Variants in BBX observed in about 807,000 individuals in gnomAD.
BBX encodes the protein BBX high mobility group box domain containing.
A neutral mutation model predicts 100.2 loss-of-function variants in BBX; 30 were observed. The observed-to-expected ratio is 0.30, with a 90% confidence interval of 0.22 to 0.41. The LOEUF (loss-of-function observed/expected upper bound fraction) is 0.41, where lower values mean the gene tolerates loss of function less well. BBX is among the 10% of genes least tolerant of loss of function. BBX has a pLI of 1.00. For synonymous variants in BBX, 376 were observed against 388.1 expected (o/e 0.97, Z 0.37); for missense variants, 1,023 against 1,129.8 (o/e 0.91, Z 1.35).
intron 3 of BBX, among the ~76,000 whole-genome samples, chr3:107,651,033 G>A (rs2057808555): frequency 6.6e-6 from 1 of 152,062 alleles, no homozygotes; most frequent in African/African-American, 2.4e-5. Context: ...AAGTACATCA[G>A]TTCTTTGGGA....
At chr3:107,542,412 G>A (rs560663360) in intron 2 of BBX, among the ~76,000 whole-genome samples, 72 of 152,172 alleles carry the variant, frequency 4.7e-4, no homozygotes, top group Non-Finnish European at 8.1e-4. Flanking sequence ...CTACAGAAGA[G>A]GTTTGTTGAA....
In BBX at chr3:107,671,736, G is replaced by A. The variant is rs1033910951; in HGVS notation, c.-10+25827G>A. Among the ~76,000 whole-genome samples the A allele has an allele frequency of 2.0e-5, 3 of 152,164 alleles. No individual in the cohort carries two copies. The South Asian group carries it at 6.2e-4, about 32-fold the overall frequency. On this transcript the variant is annotated intron_variant, in intron 3 of 17. Transcript: ENST00000325805. ...ATCCGTATAGCACTGCAAACTCATT[G>A]CCTCCTTGAGAGACCATTGCTGTAA... is the stretch of plus-strand genomic sequence containing the variant.
chr3:107,708,640 C>T (rs1429953439), intron 3 of BBX, among the ~76,000 whole-genome samples: 2 of 146,198 alleles, frequency 1.4e-5, no homozygotes, highest in African/African-American at 5.1e-5. Flanking sequence ...CACCACTGCA[C>T]TCCAACCTAG....
intron 3 of BBX, among the ~76,000 whole-genome samples, chr3:107,670,819 C>G (rs1302911157): frequency 6.6e-6 from 1 of 151,822 alleles, no homozygotes; most frequent in African/African-American, 2.4e-5. Flanking sequence ...GTACTGACAC[C>G]CAATTAATTG....
intron 2 of BBX, among the ~76,000 whole-genome samples, chr3:107,560,310 T>C (rs2050393489): frequency 6.6e-6 from 1 of 151,938 alleles, no homozygotes; most frequent in Admixed American, 6.6e-5. Flanking sequence ...CTTGTTTTTT[T>C]CCAAAAAAAA....
chr3:107,584,423 T>C (rs1379332944), intron 2 of BBX, among the ~76,000 whole-genome samples: 3 of 149,450 alleles, frequency 2.0e-5, no homozygotes, highest in Non-Finnish European at 4.4e-5. Context: ...TTTGTGAAAT[T>C]TGTCCATTCA....
At chr3:107,749,576 T>A (rs1339723976) in intron 9 of BBX, among the ~76,000 whole-genome samples, 1 of 152,122 alleles carries the variant, frequency 6.6e-6, no homozygotes, top group African/African-American at 2.4e-5. Context: ...ATGGAATATC[T>A]CAGCTGATGC....
intron 3 of BBX, among the ~76,000 whole-genome samples, chr3:107,696,622 C>T (rs1342385972): frequency 1.3e-5 from 2 of 151,826 alleles, no homozygotes; most frequent in African/African-American, 4.9e-5. Flanking sequence ...TCTCTGGCTG[C>T]CCTTAACATT....
At chr3:107,537,258 T>G (rs1229286162) in intron 2 of BBX, among the ~76,000 whole-genome samples, 4 of 152,192 alleles carry the variant, frequency 2.6e-5, no homozygotes, top group African/African-American at 7.2e-5. Flanking sequence ...CATGACTGAT[T>G]GAACCAAAGA....
chr3:107,588,343 G>A (rs569350038), intron 2 of BBX, among the ~76,000 whole-genome samples: 1 of 148,188 alleles, frequency 6.7e-6, no homozygotes, highest in Non-Finnish European at 1.5e-5. Flanking sequence ...GTAAGGGGGG[G>A]CCTGGAGCAG....
intron 2 of BBX, among the ~76,000 whole-genome samples, chr3:107,577,291 A>G (rs981834915): frequency 4.6e-5 from 7 of 152,360 alleles, no homozygotes; most frequent in African/African-American, 1.7e-4. Flanking sequence ...TGGACTCAGT[A>G]TATGGTACTG....
chr3:107,716,999 T>C, intron 5 of BBX, 150 bp downstream of exon 5: 1 of 1,031,504 alleles, frequency 9.7e-7, no homozygotes, highest in Non-Finnish European at 1.4e-6. Context: ...GCTTTCTTTG[T>C]ATGACTTGTT....
chr3:107,797,393 A>G (rs2069837567), intron 15 of BBX, among the ~76,000 whole-genome samples: 1 of 109,548 alleles, frequency 9.1e-6, no homozygotes, highest in Non-Finnish European at 1.8e-5. Flanking sequence ...ACCTTCAGAT[A>G]TGCCTCCTCT....
intron 2 of BBX, among the ~76,000 whole-genome samples, chr3:107,615,505 C>T (rs1576506314): frequency 6.6e-6 from 1 of 152,042 alleles, no homozygotes; most frequent in Non-Finnish European, 1.5e-5. Flanking sequence ...TCTCTGGGGC[C>T]TCTTTTATAA....
chr3:107,668,159 A>T (rs1177727281), intron 3 of BBX, among the ~76,000 whole-genome samples: 1 of 152,208 alleles, frequency 6.6e-6, no homozygotes, highest in African/African-American at 2.4e-5. Context: ...CCTACATATT[A>T]TGTTGTTGAA....
chr3:107,567,062 C>G (rs2050972743), intron 2 of BBX, among the ~76,000 whole-genome samples: 1 of 151,954 alleles, frequency 6.6e-6, no homozygotes, highest in Admixed American at 6.5e-5. Context: ...TTTAAAATTT[C>G]CCATTAATTT....
chr3:107,647,280 C>T (rs1007171445), intron 3 of BBX, among the ~76,000 whole-genome samples: 1 of 152,108 alleles, frequency 6.6e-6, no homozygotes, highest in African/African-American at 2.4e-5. Flanking sequence ...GAATTTGTGG[C>T]AGTATTCTGA....
At chr3:107,559,953 A>T in intron 2 of BBX, among the ~76,000 whole-genome samples, 1 of 152,122 alleles carries the variant, frequency 6.6e-6, no homozygotes, top group Non-Finnish European at 1.5e-5. Flanking sequence ...CATGTTTCCC[A>T]GGCTGGTCTC....
intron 13 of BBX, among the ~76,000 whole-genome samples, chr3:107,782,950 T>G (rs2068054455): frequency 6.6e-6 from 1 of 152,142 alleles, no homozygotes; most frequent in Admixed American, 6.6e-5. Flanking sequence ...TGTGAATATT[T>G]GTTTTCTGAA....
Sources: allele counts gnomAD v4.1 joint callset (sites outside exome capture counted in the v4.1 genomes callset), GRCh38; gene constraint gnomAD v4.1.1; transcripts MANE v1.5; gene names NCBI Gene and HGNC (gene_info 2026-07-23, HGNC 2026-07-21).